The following ARID1B variants were observed in gnomAD, a reference collection of about 807,000 sequenced individuals.
ARID1B encodes AT-rich interactive domain-containing protein 1B.
A neutral mutation model predicts 212.3 loss-of-function variants in ARID1B; 30 were observed. The ratio of observed to expected loss-of-function variants is 0.14; its 90% CI spans 0.11 to 0.19. The LOEUF is 0.19. Among genes scored for constraint, ARID1B ranks in the 10% least tolerant of loss-of-function variants. ARID1B has a pLI of 1.00. For missense variants in ARID1B, 2,891 were observed against 3,204.0 expected, an observed-to-expected ratio of 0.90 and a Z score of 2.36; for synonymous variants, 1,402 against 1,301.7, an observed-to-expected ratio of 1.08 and a Z score of -1.66.
chr6:157,159,386 G>A (rs761094891), intron 8 of ARID1B, among the ~76,000 whole-genome samples: 2 of 152,176 alleles, frequency 1.3e-5, no homozygotes, highest in Non-Finnish European at 2.9e-5. Context: ...GAACCCCTGA[G>A]CTCTATTTGT....
At chr6:156,920,511 T>C (rs1175165369) in intron 3 of ARID1B, among the ~76,000 whole-genome samples, 1 of 152,166 alleles carries the variant, frequency 6.6e-6, no homozygotes, top group East Asian at 1.9e-4. Context: ...TTCATCAGTT[T>C]CTTTGATTTT....
At chr6:156,909,180 C>T (rs1479629447) in intron 3 of ARID1B, among the ~76,000 whole-genome samples, 3 of 130,768 alleles carry the variant, frequency 2.3e-5, no homozygotes, top group African/African-American at 9.2e-5. Flanking sequence ...GGCTGGAGTG[C>T]AGTGGTGCAA....
chr6:156,968,445 C>A (rs1794920989), intron 4 of ARID1B, among the ~76,000 whole-genome samples: 1 of 152,180 alleles, frequency 6.6e-6, no homozygotes, highest in Non-Finnish European at 1.5e-5. Flanking sequence ...AGTAAATCCC[C>A]ATTGAGCATT....
chr6:157,189,534 G>T, intron 13 of ARID1B, 108 bp from the exon 14 acceptor site: 1 of 1,229,422 alleles, frequency 8.1e-7, no homozygotes, highest in Non-Finnish European at 1.1e-6. Flanking sequence ...TAATAAGATG[G>T]TGTCTTATTT....
At chr6:157,083,023 C>T (rs2128458249) in intron 4 of ARID1B, among the ~76,000 whole-genome samples, 1 of 152,190 alleles carries the variant, frequency 6.6e-6, no homozygotes, top group East Asian at 1.9e-4. Context: ...GATCCTAATC[C>T]TGAGTTTGCT....
chr6:157,078,513 C>CT (rs1378231347), intron 4 of ARID1B, among the ~76,000 whole-genome samples: 1 of 152,196 alleles, frequency 6.6e-6, no homozygotes, highest in Non-Finnish European at 1.5e-5. Flanking sequence ...AGTGGAGAAT[C>CT]TCTTCAAAAG....
Position 157,200,486 on chromosome 6 carries a change from G to A in ARID1B, c.4480-219G>A, listed in dbSNP as rs923785282. 4.6e-5 allele frequency among the ~76,000 whole-genome samples: 7 copies of A among 151,944 alleles called. No homozygotes were observed. Among genetic ancestry groups the A allele is most frequent in the African/African-American group, 1.2e-4 (5 of 41,386 alleles). On this transcript the variant is annotated intron_variant, in intron 17 of 19. Coordinates refer to ENST00000636930, the MANE Select transcript of ARID1B (RefSeq NM_001374828.1). The surrounding 1 kb of genome is among the most constrained non-coding windows in gnomAD (Gnocchi z 4.3). ...TTTTTCCACAGGAAGTTTCAAACAC[G>A]TGAAAACAAACTTTGGATGCTCTCT...
At chr6:157,101,777 T>C (rs865920879) in intron 5 of ARID1B, among the ~76,000 whole-genome samples, 4 of 152,182 alleles carry the variant, frequency 2.6e-5, no homozygotes, top group Admixed American at 6.5e-5. Flanking sequence ...CAGAGTCAGC[T>C]AACGTAGGAA....
intron 4 of ARID1B, among the ~76,000 whole-genome samples, chr6:157,003,380 C>T (rs962101950): frequency 1.3e-5 from 2 of 152,092 alleles, no homozygotes; most frequent in South Asian, 2.1e-4. Context: ...CTGTACATCC[C>T]GGACAGCCTT....
At chr6:156,994,301 T>G (rs1778449838) in intron 4 of ARID1B, among the ~76,000 whole-genome samples, 1 of 152,196 alleles carries the variant, frequency 6.6e-6, no homozygotes, top group African/African-American at 2.4e-5. Flanking sequence ...TTCAGTCAGA[T>G]CTGACTGTAT....
At position 156,896,576 on chromosome 6, in the gene ARID1B, C is replaced by CAAAAAAA. The variant is rs72490811; in HGVS notation, c.1987-4782_1987-4776dup. Reference sequence around the variant, plus strand: ...GGGCAACAAGAGCAAAACTGCGTCTCAAAAAAAAAAAAAAAAAAAAAAAAG... The same window carrying CAAAAAAA: ...GGGCAACAAGAGCAAAACTGCGTCTCAAAAAAAAAAAAAAAAAAAAAAAAAAAAAAAG... On this transcript the variant is annotated intron_variant, in intron 2 of 19. Coordinates refer to ENST00000636930, the MANE Select transcript of ARID1B (RefSeq NM_001374828.1). Among the ~76,000 whole-genome samples the CAAAAAAA allele has an allele frequency of 2.6e-3, 119 of 45,904 alleles. 3 individuals carry two copies. The highest frequency in any genetic ancestry group is 3.6e-3 in the Non-Finnish European group (99 of 27,430). 30.1% of individuals were successfully genotyped at this position (45,904 alleles called of 152,430 possible).
intron 8 of ARID1B, chr6:157,150,798 C>G (rs1236133032): frequency 5.5e-6 from 1 of 183,474 alleles, no homozygotes; most frequent in African/African-American, 2.4e-5. Context: ...TTCTTCCCAG[C>G]ACCCCAACTA....
chr6:157,141,984 T>A (rs372691788), intron 7 of ARID1B, among the ~76,000 whole-genome samples: 10 of 152,330 alleles, frequency 6.6e-5, no homozygotes, highest in East Asian at 3.9e-4. Flanking sequence ...TTAGCAGCTC[T>A]ACTCGTAATT....
intron 2 of ARID1B, among the ~76,000 whole-genome samples, chr6:156,855,141 T>A (rs918872135): frequency 6.6e-6 from 1 of 152,200 alleles, no homozygotes; most frequent in Non-Finnish European, 1.5e-5. Context: ...TGAACATAGG[T>A]CAGAGAGATG....
rs1427486364 is a variant in ARID1B, at chr6:156,778,730, C to G, written c.1050C>G (p.His350Gln). ...GQQSPGMGMMHSASAAAAGAP... is the reference protein window; with the variant it reads ...GQQSPGMGMMQSASAAAAGAP... ...AAAGCCCCGGGATGGGGATGATGCA[C>G]TCCGCCTCCGCCGCCGCCGCCGGGG... The change falls in exon 1 of 20, where the codon CAC becomes CAG. Residue 350 changes from histidine to glutamine, a missense_variant. His to Gln is a conservative substitution (Grantham distance 24). This residue lies in a region of ARID1B where 1,643 missense variants were observed against 1,544.0 expected (regional missense o/e 1.06). Transcript: ENST00000636930. The G allele has an allele frequency of 2.0e-6, 3 of 1,524,444 alleles. No homozygotes were observed. The highest frequency in any genetic ancestry group is 2.6e-6 in the Non-Finnish European group (3 of 1,134,352). 94.4% of individuals were successfully genotyped at this position (1,524,444 alleles called of 1,614,324 possible). A position where few individuals can be genotyped will look rare whatever the true frequency, so the allele number is the denominator to read the frequency against.
chr6:157,023,726 G>A (rs572520347), intron 4 of ARID1B: 7 of 152,264 alleles, frequency 4.6e-5, no homozygotes, highest in African/African-American at 1.2e-4. Flanking sequence ...TATGACTTCT[G>A]CCCCTCCAAC....
chr6:156,987,856 CT>C (rs1268800183), intron 4 of ARID1B, among the ~76,000 whole-genome samples: 1 of 152,144 alleles, frequency 6.6e-6, no homozygotes, highest in Non-Finnish European at 1.5e-5. Context: ...CCTGTTGAGA[CT>C]TTATTCCTTT....
intron 1 of ARID1B, among the ~76,000 whole-genome samples, chr6:156,784,528 A>G (rs570918460): frequency 2.2e-4 from 34 of 152,302 alleles, no homozygotes; most frequent in African/African-American, 7.2e-4. Context: ...TGACTTAGGT[A>G]TCAGTCATTA....
chr6:156,899,465 G>T (rs975811199), intron 2 of ARID1B, among the ~76,000 whole-genome samples: 1 of 152,116 alleles, frequency 6.6e-6, no homozygotes, highest in Non-Finnish European at 1.5e-5. Flanking sequence ...GTCCTAAATG[G>T]ATGAATGAGC....
Sources: gnomAD v4.1 joint callset for allele counts (sites outside exome capture counted in the v4.1 genomes callset) on GRCh38, gnomAD v4.1.1 for gene constraint, gnomAD v4.1.1 regional missense constraint, Gnocchi (gnomAD v3.1) non-coding constraint, MANE v1.5 for transcripts, NCBI Gene and HGNC (gene_info 2026-07-23, HGNC 2026-07-21) for gene names.